KIF26B: variants seen among roughly 807,000 people sequenced by gnomAD.
KIF26B encodes kinesin-like protein KIF26B.
KIF26B carries 63 observed loss-of-function variants against 151.2 expected under a neutral mutation model. The ratio of observed to expected loss-of-function variants is 0.42; its 90% CI spans 0.34 to 0.51. KIF26B has a LOEUF of 0.51. KIF26B is among the 20% of genes least tolerant of loss of function. The pLI is 0.07. For missense variants in KIF26B, 2,813 were observed against 2,913.6 expected (o/e 0.97, Z 0.79); for synonymous variants, 1,357 against 1,262.1 (o/e 1.08, Z -1.59).
At chr1:245,396,210 A>G (rs1262898130) in intron 3 of KIF26B, among the ~76,000 whole-genome samples, 1 of 152,234 alleles carries the variant, frequency 6.6e-6, no homozygotes, top group Non-Finnish European at 1.5e-5. Context: ...TTACAAGGGA[A>G]TATAATGTTA....
At chr1:245,212,595 G>A (rs1049967565) in intron 2 of KIF26B, among the ~76,000 whole-genome samples, 12 of 152,176 alleles carry the variant, frequency 7.9e-5, no homozygotes, top group Non-Finnish European at 1.6e-4. Context: ...TGCTACCATC[G>A]AGAGCAGCAG....
At chr1:245,548,691 CTG>C (rs1482566377) in intron 5 of KIF26B, among the ~76,000 whole-genome samples, 2 of 151,888 alleles carry the variant, frequency 1.3e-5, no homozygotes, top group African/African-American at 4.8e-5. Context: ...TTGTGGAAAA[CTG>C]TTAATCAGAA....
chr1:245,262,770 A>T (rs1670672070), intron 2 of KIF26B, among the ~76,000 whole-genome samples: 1 of 152,182 alleles, frequency 6.6e-6, no homozygotes, highest in Non-Finnish European at 1.5e-5. Flanking sequence ...TGAGTTCTTA[A>T]TGAGAGACTC....
intron 4 of KIF26B, among the ~76,000 whole-genome samples, chr1:245,486,373 T>TA (rs5782348): frequency 0.65 from 98,236 of 151,850 alleles, 33,833 homozygotes; most frequent in East Asian, 0.81. Context: ...AAGTATAAGA[T>TA]AGAGTTGGCA....
chr1:245,470,642 G>C (rs911023555), intron 4 of KIF26B, among the ~76,000 whole-genome samples: 1 of 152,174 alleles, frequency 6.6e-6, no homozygotes, highest in East Asian at 1.9e-4. Flanking sequence ...GAGTTAGCCA[G>C]GATGGTCTCC....
chr1:245,608,302 G>A (rs2043479459), intron 7 of KIF26B, among the ~76,000 whole-genome samples: 1 of 152,212 alleles, frequency 6.6e-6, no homozygotes, highest in Admixed American at 6.5e-5. Context: ...TCTGACCTGT[G>A]GCCATCTGCT....
rs1047482172 is a variant in KIF26B at position 245,166,091 on chromosome 1, C to T, written c.465+9408C>T. 2.6e-5 allele frequency among the ~76,000 whole-genome samples: 4 copies of T among 152,164 alleles called. No individual in the cohort carries two copies. Among genetic ancestry groups the T allele is most frequent in the Admixed American group, 2.0e-4 (3 of 15,278 alleles). On this transcript the variant is annotated intron_variant, in intron 2 of 14. Coordinates refer to ENST00000407071, the MANE Select transcript of KIF26B (RefSeq NM_018012.4). The surrounding 1 kb of genome is among the most constrained non-coding windows in gnomAD (Gnocchi z 4.5). Reference sequence around the variant, plus strand: ...TTGGGCAAGCCTTGGTCTTTCTAAACGTGGTTATTCTCATCTCTACAGTGG... The same window carrying T: ...TTGGGCAAGCCTTGGTCTTTCTAAATGTGGTTATTCTCATCTCTACAGTGG...
At chr1:245,308,189 A>G (rs1455339660) in intron 2 of KIF26B, among the ~76,000 whole-genome samples, 1 of 152,216 alleles carries the variant, frequency 6.6e-6, no homozygotes, top group Admixed American at 6.5e-5. Flanking sequence ...AAAGACCCTT[A>G]CAGAGAAATA....
chr1:245,694,750 C>T (rs2044668934), intron 12 of KIF26B, among the ~76,000 whole-genome samples: 1 of 152,194 alleles, frequency 6.6e-6, no homozygotes, highest in Non-Finnish European at 1.5e-5. Flanking sequence ...GGGAGAGGTC[C>T]TGGTTGGAAG....
intron 6 of KIF26B, among the ~76,000 whole-genome samples, chr1:245,603,700 A>C (rs2043421297): frequency 6.6e-6 from 1 of 152,168 alleles, no homozygotes; most frequent in African/African-American, 2.4e-5. Flanking sequence ...GGACCCATGC[A>C]TGCAGGTCTC....
At chr1:245,637,643 T>A (rs1338120259) in intron 9 of KIF26B, among the ~76,000 whole-genome samples, 1 of 151,928 alleles carries the variant, frequency 6.6e-6, no homozygotes, top group African/African-American at 2.4e-5. Context: ...AGTTTCAGGT[T>A]TAAATTTAAG....
intron 4 of KIF26B, among the ~76,000 whole-genome samples, chr1:245,461,399 A>T (rs2103057809): frequency 6.6e-6 from 1 of 151,678 alleles, no homozygotes; most frequent in South Asian, 2.1e-4. Flanking sequence ...CCCCCACCTC[A>T]GCCTCCCAGG....
intron 2 of KIF26B, among the ~76,000 whole-genome samples, chr1:245,313,482 C>T (rs759747012): frequency 1.4e-4 from 21 of 152,156 alleles, no homozygotes; most frequent in Non-Finnish European, 2.2e-4. Flanking sequence ...CAGCCCTGCC[C>T]GATGCACGGG....
At chr1:245,562,183 G>A (rs1000755026) in intron 5 of KIF26B, among the ~76,000 whole-genome samples, 20 of 152,068 alleles carry the variant, frequency 1.3e-4, no homozygotes, top group African/African-American at 4.8e-4. Flanking sequence ...ATTATGCTGA[G>A]GCAGAGAGGG....
chr1:245,677,556 T>C (rs1358464477), intron 10 of KIF26B, among the ~76,000 whole-genome samples: 1 of 152,240 alleles, frequency 6.6e-6, no homozygotes, highest in Non-Finnish European at 1.5e-5. Context: ...GCTCAGCCCA[T>C]ACCAAGCTTC....
At chr1:245,537,971 C>G (rs184783794) in intron 4 of KIF26B, among the ~76,000 whole-genome samples, 1 of 152,228 alleles carries the variant, frequency 6.6e-6, no homozygotes, top group East Asian at 1.9e-4. Flanking sequence ...GTAAAGAGGA[C>G]AAGGACTGAG....
intron 2 of KIF26B, among the ~76,000 whole-genome samples, chr1:245,201,868 G>A (rs1669305895): frequency 1.3e-5 from 2 of 152,192 alleles, no homozygotes; most frequent in Non-Finnish European, 2.9e-5. Context: ...GAGTACGACT[G>A]TATTTGAGGA....
intron 3 of KIF26B, among the ~76,000 whole-genome samples, chr1:245,372,804 T>G (rs146776686): frequency 6.6e-6 from 1 of 152,346 alleles, no homozygotes; most frequent in East Asian, 1.9e-4. Context: ...GGATGGTAAC[T>G]GTCTTTTGCA....
At chr1:245,492,599 C>T (rs754545033) in intron 4 of KIF26B, among the ~76,000 whole-genome samples, 5 of 152,150 alleles carry the variant, frequency 3.3e-5, no homozygotes, top group African/African-American at 7.2e-5. Context: ...CCATGGCCAC[C>T]GAAGTTTTGC....
Sources: allele counts gnomAD v4.1 joint callset (sites outside exome capture counted in the v4.1 genomes callset), GRCh38; gene constraint gnomAD v4.1.1; non-coding constraint Gnocchi (gnomAD v3.1); transcripts MANE v1.5; gene names NCBI Gene and HGNC (gene_info 2026-07-23, HGNC 2026-07-21).